Variants in NEGR1 observed in about 807,000 individuals in gnomAD.
The protein encoded by NEGR1 is IgLON family member 4.
Under a neutral mutation model 40.9 loss-of-function variants are expected in NEGR1, and 10 were observed. The ratio of observed to expected loss-of-function variants is 0.24; its 90% CI spans 0.15 to 0.42. The LOEUF is 0.42. NEGR1 is among the 10% of genes least tolerant of loss of function. The pLI is 1.00. For synonymous variants in NEGR1, 185 were observed against 166.8 expected (o/e 1.11, Z -0.84); for missense variants, 352 against 438.9 (o/e 0.80, Z 1.77).
chr1:71,851,236 G>A (rs80281879), intron 2 of NEGR1, among the ~76,000 whole-genome samples: 3,122 of 152,086 alleles, frequency 0.021, 69 homozygotes, highest in South Asian at 0.1. Context: ...TGATATTACC[G>A]CCCACACAAA....
chr1:71,491,523 G>A (rs187844080), intron 6 of NEGR1, among the ~76,000 whole-genome samples: 129 of 151,926 alleles, frequency 8.5e-4, no homozygotes, highest in Non-Finnish European at 1.6e-3. Context: ...ATGATGGAGG[G>A]GGAGGCAAGA....
At chr1:72,146,345 C>A (rs766389950) in intron 1 of NEGR1, among the ~76,000 whole-genome samples, 3 of 152,140 alleles carry the variant, frequency 2.0e-5, no homozygotes, top group Non-Finnish European at 2.9e-5. Context: ...TTACCCTGAA[C>A]ACATTATTTT....
chr1:72,242,282 G>C (rs957654962), intron 1 of NEGR1, among the ~76,000 whole-genome samples: 1 of 151,634 alleles, frequency 6.6e-6, no homozygotes, highest in South Asian at 2.1e-4. Context: ...AATTTGACCT[G>C]TAATGAGAAA....
At chr1:71,994,290 A>T (rs1475901129) in intron 1 of NEGR1, among the ~76,000 whole-genome samples, 1 of 152,106 alleles carries the variant, frequency 6.6e-6, no homozygotes, top group African/African-American at 2.4e-5. Context: ...GCACTTTGGG[A>T]GGCCGAGGCG....
intron 1 of NEGR1, among the ~76,000 whole-genome samples, chr1:71,967,975 C>T (rs1570563123): frequency 6.6e-6 from 1 of 152,138 alleles, no homozygotes; most frequent in Non-Finnish European, 1.5e-5. Context: ...TGATTAGACA[C>T]ATAAAGCACT....
intron 6 of NEGR1, among the ~76,000 whole-genome samples, chr1:71,565,477 C>T (rs1648589053): frequency 6.6e-6 from 1 of 152,120 alleles, no homozygotes; most frequent in Non-Finnish European, 1.5e-5. Flanking sequence ...ATAAGTGTTT[C>T]TCCCTGTGAT....
intron 3 of NEGR1, among the ~76,000 whole-genome samples, chr1:71,752,776 G>T (rs529309584): frequency 1.5e-4 from 23 of 151,684 alleles, no homozygotes; most frequent in Admixed American, 7.9e-4. Flanking sequence ...CCTGATAAGA[G>T]ATTATTCAGT....
At chr1:71,887,730 G>A (rs896638622) in intron 2 of NEGR1, among the ~76,000 whole-genome samples, 2 of 151,986 alleles carry the variant, frequency 1.3e-5, no homozygotes, top group South Asian at 2.1e-4. Flanking sequence ...TAGGACACTG[G>A]AACTTATTCT....
chr1:71,772,940 T>G (rs1218005542), intron 3 of NEGR1, among the ~76,000 whole-genome samples: 1 of 152,116 alleles, frequency 6.6e-6, no homozygotes, highest in Admixed American at 6.5e-5. Flanking sequence ...AATTCTCAAA[T>G]ATAGAATGGA....
intron 2 of NEGR1, among the ~76,000 whole-genome samples, chr1:71,825,313 C>A (rs1658579831): frequency 6.6e-6 from 1 of 151,926 alleles, no homozygotes; most frequent in South Asian, 2.1e-4. Flanking sequence ...AGAAAACAGT[C>A]TGAGTTCTAT....
At chr1:71,814,784 TA>T (rs1658138374) in intron 2 of NEGR1, among the ~76,000 whole-genome samples, 2 of 152,152 alleles carry the variant, frequency 1.3e-5, no homozygotes, top group South Asian at 4.1e-4. Flanking sequence ...TTATTGTGTC[TA>T]TTTGATTATT....
intron 1 of NEGR1, among the ~76,000 whole-genome samples, chr1:71,975,857 T>A (rs1250297870): frequency 6.6e-6 from 1 of 152,230 alleles, no homozygotes; most frequent in Non-Finnish European, 1.5e-5. Context: ...GATTCATTTT[T>A]ACCATATAGT....
At chr1:72,091,428 C>T (rs1410108968) in intron 1 of NEGR1, among the ~76,000 whole-genome samples, 1 of 143,050 alleles carries the variant, frequency 7.0e-6, no homozygotes, top group Admixed American at 7.0e-5. Flanking sequence ...TCCTTCCCTC[C>T]TTCCCTCCCT....
intron 4 of NEGR1, among the ~76,000 whole-genome samples, chr1:71,652,641 G>A (rs1342060018): frequency 3.9e-5 from 6 of 152,108 alleles, no homozygotes; most frequent in African/African-American, 1.4e-4. Context: ...TGAGGCCGGT[G>A]GATCGCTTGA....
chr1:71,618,564 A>G (rs1253274905), intron 4 of NEGR1, among the ~76,000 whole-genome samples: 3 of 152,106 alleles, frequency 2.0e-5, no homozygotes, highest in African/African-American at 7.2e-5. Context: ...CATCACCCCC[A>G]GATGAGACTG....
chr1:72,035,240 T>C (rs564790246), intron 1 of NEGR1, among the ~76,000 whole-genome samples: 2 of 152,302 alleles, frequency 1.3e-5, no homozygotes, highest in South Asian at 2.1e-4. Flanking sequence ...TTTCTCTGCA[T>C]GCGGAAGCCT....
intron 4 of NEGR1, among the ~76,000 whole-genome samples, chr1:71,611,780 C>T (rs555081196): frequency 6.6e-6 from 1 of 152,260 alleles, no homozygotes; most frequent in Admixed American, 6.5e-5. Flanking sequence ...TGCCCGAATG[C>T]CGTTGTTCCC....
intron 2 of NEGR1, among the ~76,000 whole-genome samples, chr1:71,833,062 T>C (rs1013886016): frequency 3.3e-5 from 5 of 152,036 alleles, no homozygotes; most frequent in Admixed American, 3.3e-4. Context: ...AAAGTTGTGA[T>C]ACAGAGAGAA....
intron 5 of NEGR1, among the ~76,000 whole-genome samples, chr1:71,610,530 T>G (rs1004739967): frequency 5.3e-5 from 8 of 152,160 alleles, no homozygotes; most frequent in African/African-American, 1.9e-4. Context: ...GTATTTTATC[T>G]CCTCTACAGC....
Sources: gnomAD v4.1 joint callset for allele counts (sites outside exome capture counted in the v4.1 genomes callset) on GRCh38, gnomAD v4.1.1 for gene constraint, MANE v1.5 for transcripts, NCBI Gene and HGNC (gene_info 2026-07-23, HGNC 2026-07-21) for gene names.